The following LARGE1 variants were observed in gnomAD, a reference collection of about 807,000 sequenced individuals.
LARGE1 encodes the protein xylosyl- and glucuronyltransferase LARGE1.
In LARGE1, 43 loss-of-function variants were observed where a neutral mutation model predicts 87.6. That is an observed-to-expected ratio of 0.49 (90% CI 0.38 to 0.63). The LOEUF (loss-of-function observed/expected upper bound fraction) is 0.63, where lower values mean the gene tolerates loss of function less well. Ranked by LOEUF, LARGE1 falls within the 30% of genes least tolerant of loss-of-function variation. The probability of loss-of-function intolerance (pLI) is 0.00; values close to 1 mark genes in which losing one functional copy is unlikely to be tolerated. For missense variants in LARGE1, 802 were observed against 1,000.2 expected, an observed-to-expected ratio of 0.80 and a Z score of 2.67; for synonymous variants, 434 against 394.6, an observed-to-expected ratio of 1.10 and a Z score of -1.18.
chr22:33,539,811 C>G (rs2077142921), intron 6 of LARGE1, among the ~76,000 whole-genome samples: 1 of 152,096 alleles, frequency 6.6e-6, no homozygotes, highest in African/African-American at 2.4e-5. Flanking sequence ...AATTCCTAGG[C>G]TCAAATGATC....
chr22:33,668,961 A>T lies in LARGE1; in HGVS notation c.107-18293T>A, dbSNP rs145678224. Among the ~76,000 whole-genome samples the T allele has an allele frequency of 3.9e-3, 599 of 152,276 alleles. 2 individuals are homozygous for T. The highest frequency in any genetic ancestry group is 0.01 in the Middle Eastern group (3 of 294). ...GGGTTAATTTGCAGCACTCACAAGG[A>T]CCCTTCAGCAGACCTCTGTCCTTCT... On this transcript the variant is annotated intron_variant, in intron 2 of 14. Transcript: ENST00000397394.
At chr22:33,270,635 G>T (rs1480403985), downstream of LARGE1, among the ~76,000 whole-genome samples, 2 of 152,174 alleles carry the variant, frequency 1.3e-5, no homozygotes, top group Admixed American at 1.3e-4. Flanking sequence ...TCAATAAAGG[G>T]TAGTTCTTAT....
intron 6 of LARGE1, among the ~76,000 whole-genome samples, chr22:33,450,673 G>T (rs2067877186): frequency 6.6e-6 from 1 of 151,918 alleles, no homozygotes; most frequent in African/African-American, 2.4e-5. Flanking sequence ...ATTACACCTG[G>T]AAAAAAACCT....
exon 12 of LARGE1, chr22:33,164,947 C>T (rs1275869422): frequency 2.0e-5 from 3 of 152,086 alleles, no homozygotes; most frequent in African/African-American, 4.8e-5. Flanking sequence ...CAAGTGGGAG[C>T]TAAACACTGG....
At chr22:33,824,765 T>A (rs1240707965) in intron 1 of LARGE1, among the ~76,000 whole-genome samples, 1 of 152,206 alleles carries the variant, frequency 6.6e-6, no homozygotes, top group Non-Finnish European at 1.5e-5. Flanking sequence ...CTCATAGGAC[T>A]ATAATGAAAA....
chr22:33,773,250 G>A (rs977842245), intron 1 of LARGE1, among the ~76,000 whole-genome samples: 6 of 152,152 alleles, frequency 3.9e-5, no homozygotes, highest in African/African-American at 1.4e-4. Context: ...AATGGCACTT[G>A]GCCTTGGAGG....
intron 6 of LARGE1, among the ~76,000 whole-genome samples, chr22:33,481,177 G>A (rs1012643263): frequency 6.7e-6 from 1 of 148,286 alleles, no homozygotes; most frequent in African/African-American, 2.5e-5. Flanking sequence ...GCAAGGAGAA[G>A]TATTTACATT....
intron 5 of LARGE1, among the ~76,000 whole-genome samples, chr22:33,596,920 T>C (rs2078991423): frequency 6.6e-6 from 1 of 152,352 alleles, no homozygotes; most frequent in South Asian, 2.1e-4. Flanking sequence ...TGTCCATTGC[T>C]CTGGGTATTA....
chr22:33,427,412 C>A (rs2066916578), intron 7 of LARGE1, among the ~76,000 whole-genome samples: 1 of 152,144 alleles, frequency 6.6e-6, no homozygotes, highest in South Asian at 2.1e-4. Context: ...GTGGAAAGAT[C>A]TTCTCTAATG....
At chr22:33,745,059 G>A (rs1427075831) in intron 2 of LARGE1, among the ~76,000 whole-genome samples, 1 of 152,190 alleles carries the variant, frequency 6.6e-6, no homozygotes, top group Non-Finnish European at 1.5e-5. Flanking sequence ...ACCGAGGGAA[G>A]GAATTGCCTC....
chr22:33,138,221 T>A, the LARGE1 span, among the ~76,000 whole-genome samples: 4 of 152,176 alleles, frequency 2.6e-5, no homozygotes, highest in Non-Finnish European at 5.9e-5. Flanking sequence ...AAAGAGATCA[T>A]TTTGGAGCTT....
chr22:33,662,117 T>C (rs899928548), intron 2 of LARGE1, among the ~76,000 whole-genome samples: 2 of 143,050 alleles, frequency 1.4e-5, no homozygotes, highest in Non-Finnish European at 3.0e-5. Flanking sequence ...AATCTCATAG[T>C]GTTTTCAAAG....
intron 5 of LARGE1, among the ~76,000 whole-genome samples, chr22:33,585,308 C>T (rs767494851): frequency 1.3e-5 from 2 of 152,122 alleles, no homozygotes; most frequent in Non-Finnish European, 2.9e-5. Flanking sequence ...AGATTCCCTA[C>T]TGAGAAGGCT....
At chr22:33,303,485 C>T (rs11914147) in intron 12 of LARGE1, among the ~76,000 whole-genome samples, 3,644 of 152,256 alleles carry the variant, frequency 0.024, 144 homozygotes, top group African/African-American at 0.082. Context: ...CAGTGCCTGG[C>T]GCGCAGCAAA....
chr22:33,702,376 T>C (rs2082426290), intron 2 of LARGE1, among the ~76,000 whole-genome samples: 2 of 152,168 alleles, frequency 1.3e-5, no homozygotes, highest in African/African-American at 4.8e-5. Context: ...AGTAGGGACA[T>C]TATTTAGATA....
chr22:33,727,258 A>G (rs1451308888), intron 2 of LARGE1, among the ~76,000 whole-genome samples: 1 of 152,224 alleles, frequency 6.6e-6, no homozygotes, highest in South Asian at 2.1e-4. Context: ...ATCCAGTAAC[A>G]GCCTGAGCTG....
chr22:33,246,400 C>A (rs1406755207), intron 11 of LARGE1, among the ~76,000 whole-genome samples: 1 of 152,136 alleles, frequency 6.6e-6, no homozygotes, highest in Non-Finnish European at 1.5e-5. Flanking sequence ...AATCCTAGCA[C>A]TTTGGGAGGC....
At chr22:33,490,577 T>C (rs2069794184) in intron 6 of LARGE1, among the ~76,000 whole-genome samples, 1 of 152,220 alleles carries the variant, frequency 6.6e-6, no homozygotes, top group African/African-American at 2.4e-5. Context: ...TCCAGTACAC[T>C]GCTGCAACGC....
At chr22:33,093,482 G>T in the LARGE1 span, among the ~76,000 whole-genome samples, 4 of 152,098 alleles carry the variant, frequency 2.6e-5, no homozygotes, top group Non-Finnish European at 5.9e-5. Flanking sequence ...AATTTTGAGG[G>T]GTAGTAAATA....
Sources: gnomAD v4.1 joint callset for allele counts (sites outside exome capture counted in the v4.1 genomes callset) on GRCh38, gnomAD v4.1.1 for gene constraint, MANE v1.5 for transcripts, NCBI Gene and HGNC (gene_info 2026-07-23, HGNC 2026-07-21) for gene names.